LYRM4: variants seen among roughly 807,000 people sequenced by gnomAD.
LYRM4 encodes LYR motif-containing protein 4.
In LYRM4, 9 loss-of-function variants were observed where a neutral mutation model predicts 11.7. That is an observed-to-expected ratio of 0.77 (90% CI 0.46 to 1.34). The LOEUF (loss-of-function observed/expected upper bound fraction) is 1.34. Among genes scored for constraint, LYRM4 ranks in the 40% most tolerant of loss-of-function variants. The probability of loss-of-function intolerance (pLI) is 0.00; values close to 1 mark genes in which losing one functional copy is unlikely to be tolerated. For missense variants in LYRM4, 133 were observed against 112.5 expected (o/e 1.18, Z -0.82); for synonymous variants, 42 against 40.4 (o/e 1.04, Z -0.15).
intron 2 of LYRM4, among the ~76,000 whole-genome samples, chr6:5,118,095 T>TATTTTTTTG (rs34304149): frequency 1.0e-5 from 1 of 96,884 alleles, no homozygotes. Flanking sequence ...TATATATATA[T>TATTTTTTTG]TTTTGTTTTG....
intron 1 of LYRM4, among the ~76,000 whole-genome samples, chr6:5,221,285 T>C (rs1421229595): frequency 1.3e-5 from 2 of 152,248 alleles, no homozygotes; most frequent in African/African-American, 4.8e-5. Context: ...ATAGATGCCA[T>C]TGGCTACCAA....
At chr6:5,237,953 C>A (rs1176875730) in intron 1 of LYRM4, among the ~76,000 whole-genome samples, 1 of 152,178 alleles carries the variant, frequency 6.6e-6, no homozygotes, top group Non-Finnish European at 1.5e-5. Flanking sequence ...TTCGGTATCA[C>A]AGACACTCTG....
intron 1 of LYRM4, among the ~76,000 whole-genome samples, chr6:5,259,371 C>T (rs1442545097): frequency 6.6e-6 from 1 of 152,210 alleles, no homozygotes; most frequent in African/African-American, 2.4e-5. Context: ...TATTATTACA[C>T]TCTTTATTCT....
intron 1 of LYRM4, among the ~76,000 whole-genome samples, chr6:5,219,487 A>G (rs1762459299): frequency 6.6e-6 from 1 of 152,208 alleles, no homozygotes; most frequent in African/African-American, 2.4e-5. Context: ...TAAAGCACCC[A>G]GTGTTATTCT....
At chr6:5,179,648 A>T (rs1759958104) in intron 2 of LYRM4, among the ~76,000 whole-genome samples, 2 of 152,202 alleles carry the variant, frequency 1.3e-5, no homozygotes, top group African/African-American at 4.8e-5. Context: ...CGTATAGACC[A>T]CATTTGTTTA....
At chr6:5,138,820 A>G in intron 2 of LYRM4, 1 of 1,041,930 alleles carries the variant, frequency 9.6e-7, no homozygotes, top group Non-Finnish European at 1.4e-6. Flanking sequence ...TTCAAACAGA[A>G]GCAAGTGCTA....
chr6:5,196,977 AAACGCAC>A (rs1761090017), intron 2 of LYRM4, among the ~76,000 whole-genome samples: 1 of 152,236 alleles, frequency 6.6e-6, no homozygotes, highest in African/African-American at 2.4e-5. Context: ...TGTCAATTAA[AAACGCAC>A]AAGATTGATG....
intron 2 of LYRM4, among the ~76,000 whole-genome samples, chr6:5,213,657 A>T (rs1762100764): frequency 6.6e-6 from 1 of 152,060 alleles, no homozygotes; most frequent in Non-Finnish European, 1.5e-5. Flanking sequence ...TATTCCTTTC[A>T]TGGTTCATTC....
the LYRM4 span, among the ~76,000 whole-genome samples, chr6:5,096,373 C>A: frequency 6.6e-6 from 1 of 151,886 alleles, no homozygotes; most frequent in East Asian, 1.9e-4. Flanking sequence ...ACCTGTAGCC[C>A]CAGCTACTTG....
chr6:5,169,310 G>T (rs1363096268), intron 2 of LYRM4, among the ~76,000 whole-genome samples: 1 of 152,154 alleles, frequency 6.6e-6, no homozygotes, highest in Non-Finnish European at 1.5e-5. Context: ...TTCAATGGTG[G>T]AGATAAAACT....
At chr6:5,173,620 T>A (rs536854780) in intron 2 of LYRM4, among the ~76,000 whole-genome samples, 9 of 152,360 alleles carry the variant, frequency 5.9e-5, no homozygotes, top group East Asian at 5.8e-4. Flanking sequence ...TTTTGAACAG[T>A]TAATGAGTAC....
chr6:5,197,592 T>C (rs1761139547), intron 2 of LYRM4, among the ~76,000 whole-genome samples: 2 of 152,022 alleles, frequency 1.3e-5, no homozygotes, highest in South Asian at 4.1e-4. Flanking sequence ...GAGAACTGCT[T>C]GAACCTGGGA....
At chr6:5,212,734 G>T (rs1487775699) in intron 2 of LYRM4, among the ~76,000 whole-genome samples, 1 of 152,218 alleles carries the variant, frequency 6.6e-6, no homozygotes, top group Non-Finnish European at 1.5e-5. Context: ...ATGACATGAG[G>T]CATGAAGTGG....
chr6:5,150,415 G>A (rs1758021276), intron 2 of LYRM4, among the ~76,000 whole-genome samples: 1 of 152,102 alleles, frequency 6.6e-6, no homozygotes, highest in African/African-American at 2.4e-5. Flanking sequence ...GTCCCAGCTT[G>A]GCCATGTATT....
the LYRM4 span, among the ~76,000 whole-genome samples, chr6:5,069,528 T>C: frequency 6.6e-6 from 1 of 151,958 alleles, no homozygotes; most frequent in African/African-American, 2.4e-5. Context: ...GTCACTAGGC[T>C]GGAGTGCAGT....
chr6:5,109,963 C>T (rs1304482294), intron 2 of LYRM4, among the ~76,000 whole-genome samples: 1 of 152,228 alleles, frequency 6.6e-6, no homozygotes, highest in Non-Finnish European at 1.5e-5. Context: ...GTGGCCCATC[C>T]CGGGTGGGGT....
chr6:5,116,022 T>G (rs1763103672), intron 2 of LYRM4, among the ~76,000 whole-genome samples: 1 of 152,112 alleles, frequency 6.6e-6, no homozygotes, highest in East Asian at 1.9e-4. Context: ...CAAAGCACAG[T>G]TTAGGACAGT....
At chr6:5,086,241 C>T in the LYRM4 span, 1 of 1,535,580 alleles carries the variant, frequency 6.5e-7, no homozygotes, top group Non-Finnish European at 8.7e-7. Context: ...CCGTGCGCTA[C>T]ACCTTTACCG....
intron 2 of LYRM4, among the ~76,000 whole-genome samples, chr6:5,175,844 C>T (rs568401023): frequency 6.6e-6 from 1 of 152,144 alleles, no homozygotes; most frequent in Non-Finnish European, 1.5e-5. Context: ...GAGGCTACCA[C>T]GATGTGAGGA....
Sources: allele counts gnomAD v4.1 joint callset (sites outside exome capture counted in the v4.1 genomes callset), GRCh38; gene constraint gnomAD v4.1.1; transcripts MANE v1.5; gene names NCBI Gene and HGNC (gene_info 2026-07-23, HGNC 2026-07-21).